The following PPP4R4 variants were observed in gnomAD, a reference collection of about 807,000 sequenced individuals.
The protein encoded by PPP4R4 is serine/threonine-protein phosphatase 4 regulatory subunit 4.
A neutral mutation model predicts 121.8 loss-of-function variants in PPP4R4; 70 were observed. That is an observed-to-expected ratio of 0.57 (90% CI 0.47 to 0.70). The LOEUF (loss-of-function observed/expected upper bound fraction) is 0.70. Among genes scored for constraint, PPP4R4 ranks in the 30% least tolerant of loss-of-function variants. PPP4R4 has a pLI of 0.00. For synonymous variants in PPP4R4, 348 were observed against 355.7 expected (o/e 0.98, Z 0.24); for missense variants, 875 against 1,033.6 (o/e 0.85, Z 2.10).
rs775913103 is a variant in PPP4R4, at chr14:94,265,417, T to G, written c.2228T>G (p.Leu743Arg). ...RRDTKTPTQS[L>R]PKNIPISVPG... ...GACACTAAGACACCAACGCAAAGTC[T>G]GCCCAAGAACATCCCCATTTCTGTT... Residue 743 changes from leucine to arginine, a missense_variant, in exon 21 of 25, where the codon CTG (leucine) becomes CGG (arginine). Leu to Arg is a moderately radical substitution (Grantham distance 102, BLOSUM62 -2). Transcript: ENST00000304338. 1.2e-6 allele frequency: 2 copies of G among 1,613,258 alleles called. No individual in the cohort carries two copies. Among genetic ancestry groups the G allele is most frequent in the South Asian group, 2.2e-5 (2 of 91,060 alleles).
At chr14:94,260,200 C>T (rs193080064) in intron 19 of PPP4R4, among the ~76,000 whole-genome samples, 238 of 152,116 alleles carry the variant, frequency 1.6e-3, no homozygotes, top group Non-Finnish European at 2.3e-3. Context: ...CCGAGGCAGA[C>T]GGATCACGAG....
intron 23 of PPP4R4, among the ~76,000 whole-genome samples, chr14:94,274,486 C>G (rs1250573717): frequency 6.6e-6 from 1 of 152,058 alleles, no homozygotes; most frequent in East Asian, 1.9e-4. Context: ...ATGAACTTCA[C>G]AAAAGATACA....
chr14:94,218,851 C>CAAT (rs1262164516), intron 3 of PPP4R4, among the ~76,000 whole-genome samples: 1 of 152,056 alleles, frequency 6.6e-6, no homozygotes, highest in African/African-American at 2.4e-5. Flanking sequence ...GAACAGGCTT[C>CAAT]TGATCAGAAA....
At chr14:94,270,044 GA>G (rs777484796) in intron 23 of PPP4R4, among the ~76,000 whole-genome samples, 7 of 152,274 alleles carry the variant, frequency 4.6e-5, no homozygotes, top group Non-Finnish European at 5.9e-5. Context: ...GAAATTGGAT[GA>G]GGGGAATATA....
Position 94,240,274 on chromosome 14 carries a change from C to T in PPP4R4, c.854-399C>T, listed in dbSNP as rs543439693. On this transcript the variant is annotated intron_variant, in intron 8 of 24. Transcript: ENST00000304338. The stretch of plus-strand genomic sequence containing the variant: ...ATGATAAAATGGGCTTAAGCTGTAG[C>T]ATGGTATGAGATGTGTGTAAAAGAG... 1.8e-4 allele frequency among the ~76,000 whole-genome samples: 27 copies of T among 152,264 alleles called. 2 individuals carry two copies. The South Asian group carries it at 5.6e-3, about 32-fold the overall frequency.
At chr14:94,204,704 C>T (rs34968411) in intron 2 of PPP4R4, among the ~76,000 whole-genome samples, 19,289 of 152,108 alleles carry the variant, frequency 0.13, 1,366 homozygotes, top group Admixed American at 0.21. Context: ...CTGAATTTCC[C>T]AGTGTGTGCC....
chr14:94,258,554 T>G (rs1179352311), intron 17 of PPP4R4, among the ~76,000 whole-genome samples: 1 of 152,204 alleles, frequency 6.6e-6, no homozygotes, highest in Non-Finnish European at 1.5e-5. Flanking sequence ...AGACTTGGTC[T>G]TCTTAAGGTT....
chr14:94,277,142 A>T (rs1894687983), intron 24 of PPP4R4, among the ~76,000 whole-genome samples: 1 of 152,088 alleles, frequency 6.6e-6, no homozygotes. Context: ...CTACTAAAAA[A>T]TTACAAAAAT....
intron 3 of PPP4R4, among the ~76,000 whole-genome samples, chr14:94,213,992 T>C (rs2139466099): frequency 6.6e-6 from 1 of 152,350 alleles, no homozygotes; most frequent in Non-Finnish European, 1.5e-5. Context: ...TGTGACCTCA[T>C]CATCTGCCAG....
chr14:94,231,708 T>C (rs1213596689), intron 5 of PPP4R4, among the ~76,000 whole-genome samples: 2 of 152,174 alleles, frequency 1.3e-5, no homozygotes, highest in African/African-American at 2.4e-5. Context: ...GTTTTCAGGC[T>C]TATATTTTAC....
In PPP4R4 at chr14:94,251,784, C is replaced by G. The variant is rs1006379723; in HGVS notation, c.1753C>G (p.Arg585Gly). Reference protein sequence around the residue: ...GQGKSYWNRLRFLDTCEFIIE... With the variant: ...GQGKSYWNRLGFLDTCEFIIE... ...AGGAAAAAGTTACTGGAATAGACTT[C>G]GATTTTTGGATACCTGTGAATTTAT... Residue 585 changes from arginine (R) to glycine (G), a missense_variant, in exon 16 of 25, where the codon CGA (arginine) becomes GGA (glycine). Coordinates refer to ENST00000304338, the MANE Select transcript of PPP4R4 (RefSeq NM_058237.2). 4 of 1,575,754 alleles carry G rather than the reference C, an allele frequency of 2.5e-6. No individual in the cohort carries two copies. Among genetic ancestry groups the G allele is most frequent in the Non-Finnish European group, 3.4e-6 (4 of 1,164,378 alleles).
intron 8 of PPP4R4, 130 bp downstream of exon 8, chr14:94,237,816 A>G (rs1057139163): frequency 1.6e-6 from 2 of 1,214,922 alleles, no homozygotes; most frequent in Non-Finnish European, 2.3e-6. Context: ...TCTTTTTATG[A>G]TTCATTCTGT....
At chr14:94,208,376 A>G (rs919315435) in intron 2 of PPP4R4, 88 bp from the exon 3 acceptor site, 1 of 901,892 alleles carries the variant, frequency 1.1e-6, no homozygotes, top group East Asian at 3.0e-5. Flanking sequence ...CAAAGCAGTC[A>G]TTTTTCCAAT....
chr14:94,222,575 C>CT (rs71129676), intron 3 of PPP4R4, among the ~76,000 whole-genome samples: 69,072 of 145,350 alleles, frequency 0.48, 17,937 homozygotes, highest in Non-Finnish European at 0.61. Context: ...CATTTGGAAT[C>CT]TTTTTTTTTT....
intron 2 of PPP4R4, among the ~76,000 whole-genome samples, chr14:94,201,979 A>G (rs188564392): frequency 1.7e-3 from 259 of 148,804 alleles, no homozygotes; most frequent in Admixed American, 4.0e-3. Flanking sequence ...CACACTCACC[A>G]TAAAAAGGAA....
At chr14:94,248,905 A>G (rs1483582835) in intron 14 of PPP4R4, among the ~76,000 whole-genome samples, 2 of 151,996 alleles carry the variant, frequency 1.3e-5, no homozygotes, top group East Asian at 1.9e-4. Flanking sequence ...AATGGTGACA[A>G]ATGCACTTTG....
At chr14:94,266,867 TA>T in intron 22 of PPP4R4, 91 bp from the exon 23 acceptor site, 1 of 838,410 alleles carries the variant, frequency 1.2e-6, no homozygotes, top group Non-Finnish European at 1.9e-6. Flanking sequence ...AGGAAAGCAT[TA>T]AAAAGAAGAT....
chr14:94,230,469 G>T, intron 3 of PPP4R4, 118 bp from the exon 4 acceptor site: 1 of 865,780 alleles, frequency 1.2e-6, no homozygotes. Flanking sequence ...ATCCTTAAAG[G>T]TCATATGTCT....
At chr14:94,261,331 A>C (rs1174453814) in intron 19 of PPP4R4, among the ~76,000 whole-genome samples, 1 of 152,146 alleles carries the variant, frequency 6.6e-6, no homozygotes, top group Non-Finnish European at 1.5e-5. Context: ...TGGCATTATT[A>C]TAAATGGAAG....
Sources: allele counts gnomAD v4.1 joint callset (sites outside exome capture counted in the v4.1 genomes callset), GRCh38; gene constraint gnomAD v4.1.1; transcripts MANE v1.5; gene names NCBI Gene and HGNC (gene_info 2026-07-23, HGNC 2026-07-21).